The following DNAJC7 variants were observed in gnomAD, a reference collection of about 807,000 sequenced individuals.
The protein encoded by DNAJC7 is dnaJ homolog subfamily C member 7.
Under a neutral mutation model 67.4 loss-of-function variants are expected in DNAJC7, and 18 were observed. The ratio of observed to expected loss-of-function variants is 0.27; its 90% CI spans 0.18 to 0.40. DNAJC7 has a LOEUF of 0.40. DNAJC7 is among the 10% of genes least tolerant of loss of function. The probability of loss-of-function intolerance (pLI) is 1.00; values close to 1 mark genes in which losing one functional copy is unlikely to be tolerated. For missense variants in DNAJC7, 419 were observed against 613.8 expected (o/e 0.68, Z 3.35); for synonymous variants, 220 against 207.8 (o/e 1.06, Z -0.50).
At chr17:41,994,832 CAA>C (rs782764413) in intron 5 of DNAJC7, 36 bp downstream of exon 5, 1 of 1,595,366 alleles carries the variant, frequency 6.3e-7, no homozygotes, top group Non-Finnish European at 8.6e-7. Context: ...AATTTTGCGA[CAA>C]AGAGCAGATG....
At chr17:42,000,446 A>G in intron 2 of DNAJC7, 36 bp downstream of exon 2, 1 of 1,509,072 alleles carries the variant, frequency 6.6e-7, no homozygotes, top group East Asian at 2.3e-5. Context: ...TTTGGCAAGT[A>G]AATGTTTTCT....
intron 5 of DNAJC7, among the ~76,000 whole-genome samples, chr17:41,990,847 T>C (rs1448079126): frequency 1.3e-5 from 2 of 152,008 alleles, no homozygotes; most frequent in African/African-American, 2.4e-5. Flanking sequence ...TTTTTTTGTA[T>C]TTTTAGTAAA....
intron 1 of DNAJC7, among the ~76,000 whole-genome samples, chr17:42,009,627 G>A (rs1313033275): frequency 6.6e-6 from 1 of 152,174 alleles, no homozygotes; most frequent in African/African-American, 2.4e-5. Context: ...TATCCCTGGG[G>A]AGAGGAGACC....
intron 5 of DNAJC7, among the ~76,000 whole-genome samples, chr17:41,991,879 A>G (rs1435577611): frequency 6.6e-6 from 1 of 152,178 alleles, no homozygotes; most frequent in Non-Finnish European, 1.5e-5. Context: ...CAGGGTCTCA[A>G]TAAGTTGCCC....
intron 2 of DNAJC7, among the ~76,000 whole-genome samples, chr17:41,997,887 C>G (rs926707281): frequency 6.6e-6 from 1 of 152,060 alleles, no homozygotes; most frequent in African/African-American, 2.4e-5. Flanking sequence ...ATTTGAGGCA[C>G]AGTCTGGCTC....
chr17:41,998,165 GAC>G (rs148790241), intron 2 of DNAJC7, among the ~76,000 whole-genome samples: 3,987 of 151,818 alleles, frequency 0.026, 163 homozygotes, highest in African/African-American at 0.091. Context: ...ACCCAGCCCT[GAC>G]ACACTCTCTT....
At chr17:42,017,054 C>T in intron 1 of DNAJC7, 1 of 1,365,516 alleles carries the variant, frequency 7.3e-7, no homozygotes, top group Non-Finnish European at 9.5e-7. Flanking sequence ...CACCAGACCT[C>T]TGAAATTGCC....
Position 41,982,241 on chromosome 17 carries a change from C to CG in DNAJC7, c.1231+13dup. ...GGTTCTTCCCACTGAGCCCACTCCC[C>CG]GCACCTACTCTACCTGGATGGTGCA... On this transcript the variant is annotated intron_variant, in intron 11 of 13. Coordinates refer to ENST00000457167, the MANE Select transcript of DNAJC7 (RefSeq NM_003315.4). 10 of 1,613,802 alleles carry CG rather than the reference C, an allele frequency of 6.2e-6. No homozygotes were observed. The highest frequency in any genetic ancestry group is 8.5e-6 in the Non-Finnish European group (10 of 1,179,782).
chr17:42,005,753 T>A (rs912079025), intron 1 of DNAJC7, among the ~76,000 whole-genome samples: 16 of 152,290 alleles, frequency 1.1e-4, no homozygotes, highest in African/African-American at 3.8e-4. Context: ...TTTTTTCTTT[T>A]TTTTTGAGAC....
rs369484542 is a variant in DNAJC7, at chr17:42,012,342, G to A, written c.77+4998C>T. On this transcript the variant is annotated intron_variant, in intron 1 of 13. Transcript: ENST00000457167. ...TATTAAAAATACAAAAATTAGCTGG[G>A]TGTGGTGGCACACGCCTATAGTCCC... Among the ~76,000 whole-genome samples the A allele has an allele frequency of 5.3e-5, 8 of 152,308 alleles. No homozygotes were observed. In the South Asian group the frequency reaches 1.7e-3, roughly 32 times the overall value.
chr17:42,002,816 T>C (rs782701987), intron 1 of DNAJC7, among the ~76,000 whole-genome samples: 1 of 152,146 alleles, frequency 6.6e-6, no homozygotes. Context: ...ACAATACATA[T>C]AAATTTGTTT....
intron 9 of DNAJC7, 31 bp from the exon 10 acceptor site, chr17:41,983,667 TA>T: frequency 6.3e-7 from 1 of 1,576,922 alleles, no homozygotes; most frequent in Non-Finnish European, 8.6e-7. Flanking sequence ...AATACAGCAC[TA>T]AGACATAAAT....
intron 1 of DNAJC7, among the ~76,000 whole-genome samples, chr17:42,009,301 T>G (rs1394242240): frequency 1.3e-5 from 2 of 152,078 alleles, no homozygotes; most frequent in Non-Finnish European, 2.9e-5. Context: ...AGGAGAAGCC[T>G]CAACACGGGC....
intron 2 of DNAJC7, among the ~76,000 whole-genome samples, 193 bp from the exon 3 acceptor site, chr17:41,997,432 C>CAAAA (rs550691498): frequency 2.5e-5 from 3 of 118,370 alleles, no homozygotes; most frequent in Non-Finnish European, 5.5e-5. Flanking sequence ...TACTAAAATA[C>CAAAA]AAAAAAAAAA....
intron 5 of DNAJC7, among the ~76,000 whole-genome samples, chr17:41,992,201 T>C (rs1471605639): frequency 6.6e-6 from 1 of 152,084 alleles, no homozygotes; most frequent in Non-Finnish European, 1.5e-5. Flanking sequence ...AGATGGAGTT[T>C]CGTTCTTGTT....
At chr17:41,998,083 G>T (rs558219556) in intron 2 of DNAJC7, among the ~76,000 whole-genome samples, 1 of 152,034 alleles carries the variant, frequency 6.6e-6, no homozygotes, top group South Asian at 2.1e-4. Flanking sequence ...GGCTGGTCTT[G>T]AACTCCTGGC....
At chr17:41,991,474 T>A (rs1598129752) in intron 5 of DNAJC7, among the ~76,000 whole-genome samples, 1 of 152,088 alleles carries the variant, frequency 6.6e-6, no homozygotes, top group African/African-American at 2.4e-5. Context: ...TTTTTAAAGG[T>A]GCAGACCTGC....
chr17:41,990,969 T>C (rs1454451887), intron 5 of DNAJC7, among the ~76,000 whole-genome samples: 1 of 152,136 alleles, frequency 6.6e-6, no homozygotes, highest in Non-Finnish European at 1.5e-5. Flanking sequence ...AGCCTTAAAA[T>C]AGTTATTTTA....
At chr17:42,006,146 G>A (rs117300738) in intron 1 of DNAJC7, among the ~76,000 whole-genome samples, 11,659 of 149,996 alleles carry the variant, frequency 0.078, 610 homozygotes, top group Middle Eastern at 0.17. Flanking sequence ...GGATATCATC[G>A]TGTTAGCCAG....
Sources: gnomAD v4.1 joint callset for allele counts (sites outside exome capture counted in the v4.1 genomes callset) on GRCh38, gnomAD v4.1.1 for gene constraint, MANE v1.5 for transcripts, NCBI Gene and HGNC (gene_info 2026-07-23, HGNC 2026-07-21) for gene names.